Variants in SNX7 observed in about 807,000 individuals in gnomAD.
SNX7 encodes the protein sorting nexin 7, also known as sorting nexin-7.
SNX7 carries 35 observed loss-of-function variants against 48.4 expected under a neutral mutation model. That is an observed-to-expected ratio of 0.72 (90% CI 0.55 to 0.96). The LOEUF (loss-of-function observed/expected upper bound fraction) is 0.96, where lower values mean the gene tolerates loss of function less well. SNX7 is among the 40% of genes least tolerant of loss of function. SNX7 has a pLI of 0.00. For synonymous variants in SNX7, 190 were observed against 190.2 expected, an observed-to-expected ratio of 1.00 and a Z score of 0.01; for missense variants, 553 against 548.9, an observed-to-expected ratio of 1.01 and a Z score of -0.07.
chr1:98,703,782 G>A (rs2100979384), intron 7 of SNX7, among the ~76,000 whole-genome samples: 2 of 152,112 alleles, frequency 1.3e-5, no homozygotes, highest in African/African-American at 4.8e-5. Flanking sequence ...CATGTGTATA[G>A]AAATTGTAAT....
chr1:98,665,540 G>A (rs1649490489), intron 1 of SNX7, among the ~76,000 whole-genome samples: 1 of 152,110 alleles, frequency 6.6e-6, no homozygotes, highest in African/African-American at 2.4e-5. Flanking sequence ...ACATGATTGA[G>A]CAAGGCTTTT....
intron 1 of SNX7, among the ~76,000 whole-genome samples, chr1:98,671,189 A>G (rs1649844593): frequency 6.6e-6 from 1 of 152,204 alleles, no homozygotes; most frequent in Admixed American, 6.5e-5. Flanking sequence ...CAAAGAAGAT[A>G]TGAGACTAAA....
At chr1:98,693,663 G>A (rs982846444) in intron 4 of SNX7, among the ~76,000 whole-genome samples, 2 of 152,184 alleles carry the variant, frequency 1.3e-5, no homozygotes, top group African/African-American at 2.4e-5. Context: ...GGTCAAGGAT[G>A]GCATCTGTTA....
chr1:98,733,463 A>G (rs1356036602), intron 7 of SNX7, among the ~76,000 whole-genome samples: 2 of 152,038 alleles, frequency 1.3e-5, no homozygotes, highest in Middle Eastern at 3.2e-3. Flanking sequence ...CCTGCAGGAG[A>G]AATCCCTTTA....
chr1:98,668,656 G>T (rs967869077), intron 1 of SNX7, among the ~76,000 whole-genome samples: 1 of 152,086 alleles, frequency 6.6e-6, no homozygotes, highest in Non-Finnish European at 1.5e-5. Context: ...AAGAAAGTCT[G>T]GTGAAGAACA....
chr1:98,674,987 A>G (rs1029633223), intron 1 of SNX7, among the ~76,000 whole-genome samples: 1 of 152,192 alleles, frequency 6.6e-6, no homozygotes, highest in Admixed American at 6.5e-5. Flanking sequence ...AATTTTTATT[A>G]TGCTATAATC....
At position 98,691,564 on chromosome 1, in the gene SNX7, A is replaced by C; in HGVS notation, c.504A>C (p.Gly168=). Reference sequence around the variant, plus strand: ...TGCCAGAAAAGTTTATAGTAAAAGGAATGGTGGAACGCTTTAACGATGACT... The same window carrying C: ...TGCCAGAAAAGTTTATAGTAAAAGGCATGGTGGAACGCTTTAACGATGACT... ...PPLPEKFIVK[G]MVERFNDDFI... is the part of the protein sequence containing the mutation. Residue 168 remains glycine, a synonymous_variant, in exon 4 of 9, where the codon GGA becomes GGC. Transcript: ENST00000306121. 6.3e-7 allele frequency: 1 copy of C among 1,594,854 alleles called. No homozygotes were observed. Among genetic ancestry groups the C allele is most frequent in the Non-Finnish European group, 8.5e-7 (1 of 1,172,898 alleles).
Position 98,698,868 on chromosome 1 carries a change from T to C in SNX7, c.1001T>C (p.Val334Ala). ...MSGLSEALLP[V>A]VHEYVLYSEM... ...GGACTCTCAGAGGCCCTGCTTCCTG[T>C]TGTACATGAGTACGTGCTTTATAGT... is the stretch of plus-strand genomic sequence containing the variant. The change falls in exon 6 of 9, where the codon GTT becomes GCT. Residue 334 changes from valine (V) to alanine (A), a missense_variant. Physicochemically the swap from Val to Ala is moderately conservative, Grantham distance 64 (BLOSUM62 0). Coordinates refer to ENST00000306121, the MANE Select transcript of SNX7 (RefSeq NM_015976.5). The C allele has an allele frequency of 3.1e-6, 5 of 1,613,792 alleles. No homozygotes were observed. The highest frequency in any genetic ancestry group is 1.1e-5 in the South Asian group (1 of 91,074).
At chr1:98,759,079 C>T (rs1654996595) in intron 8 of SNX7, among the ~76,000 whole-genome samples, 1 of 151,946 alleles carries the variant, frequency 6.6e-6, no homozygotes, top group African/African-American at 2.4e-5. Flanking sequence ...GATATAGACA[C>T]TTTAAAGCTG....
At chr1:98,753,030 A>G (rs1369250809) in intron 8 of SNX7, among the ~76,000 whole-genome samples, 1 of 152,012 alleles carries the variant, frequency 6.6e-6, no homozygotes, top group East Asian at 1.9e-4. Context: ...CTGGCATACA[A>G]TTTACGAGAT....
intron 5 of SNX7, 104 bp from the exon 6 acceptor site, chr1:98,698,602 T>C: frequency 1.1e-6 from 1 of 946,370 alleles, no homozygotes; most frequent in Non-Finnish European, 1.6e-6. Flanking sequence ...TGTAAGAACA[T>C]GTGCACTGTG....
intron 4 of SNX7, among the ~76,000 whole-genome samples, chr1:98,693,712 A>G (rs1302508644): frequency 6.6e-6 from 1 of 152,232 alleles, no homozygotes; most frequent in African/African-American, 2.4e-5. Flanking sequence ...TTGGAAATAA[A>G]CAAGTTTACT....
chr1:98,678,076 A>G (rs1650276207), intron 1 of SNX7, among the ~76,000 whole-genome samples: 2 of 151,858 alleles, frequency 1.3e-5, no homozygotes, highest in African/African-American at 4.8e-5. Flanking sequence ...GGTCATTTAT[A>G]AAGAAAAGAG....
chr1:98,691,188 A>G lies in SNX7; in HGVS notation c.474+3A>G, dbSNP rs772221972. The G allele has an allele frequency of 4.4e-6, 7 of 1,582,720 alleles. No individual in the cohort carries two copies. In the South Asian group the frequency reaches 8.2e-5, roughly 19 times the overall value. On this transcript the variant is annotated splice_donor_region_variant and intron_variant, in intron 3 of 8. Transcript: ENST00000306121. ...CACACCCCACTCTGATTATTCCAGT[A>G]AGTTTGCAAAATTTTTTTTTTCATA...
chr1:98,736,454 G>T (rs1263596822), intron 7 of SNX7, among the ~76,000 whole-genome samples: 2 of 152,060 alleles, frequency 1.3e-5, no homozygotes, highest in South Asian at 2.1e-4. Context: ...ATGGCTGTGG[G>T]TGCCTATTTC....
chr1:98,713,364 T>G (rs190654519), intron 7 of SNX7, among the ~76,000 whole-genome samples: 2 of 152,284 alleles, frequency 1.3e-5, no homozygotes, highest in African/African-American at 2.4e-5. Flanking sequence ...TTGCTCTGGA[T>G]TAGGCTTTGG....
chr1:98,670,178 A>T (rs374630479), intron 1 of SNX7, among the ~76,000 whole-genome samples: 2 of 152,194 alleles, frequency 1.3e-5, no homozygotes, highest in South Asian at 4.1e-4. Context: ...AGCTATGTTG[A>T]GCCTCAATCC....
At chr1:98,713,589 G>A (rs931963146) in intron 7 of SNX7, among the ~76,000 whole-genome samples, 4 of 152,146 alleles carry the variant, frequency 2.6e-5, no homozygotes, top group African/African-American at 9.7e-5. Flanking sequence ...CTTTTGAAAT[G>A]CCTTCCTCAC....
At chr1:98,736,804 A>G (rs1283152908) in intron 7 of SNX7, among the ~76,000 whole-genome samples, 1 of 152,208 alleles carries the variant, frequency 6.6e-6, no homozygotes, top group African/African-American at 2.4e-5. Context: ...CATCAGAAGT[A>G]ATACATTTTA....
Sources: gnomAD v4.1 joint callset for allele counts (sites outside exome capture counted in the v4.1 genomes callset) on GRCh38, gnomAD v4.1.1 for gene constraint, MANE v1.5 for transcripts, NCBI Gene and HGNC (gene_info 2026-07-23, HGNC 2026-07-21) for gene names.